The following WWOX variants were observed in gnomAD, a reference collection of about 807,000 sequenced individuals.
WWOX encodes the protein WW domain containing oxidoreductase, also known as WW domain-containing oxidoreductase.
In WWOX, 69 loss-of-function variants were observed where a neutral mutation model predicts 46.2. The ratio of observed to expected loss-of-function variants is 1.49; its 90% CI spans 1.23 to 1.82. WWOX has a LOEUF of 1.82. WWOX is among the 40% of genes most tolerant of loss of function. The pLI, the probability that WWOX is intolerant of heterozygous loss-of-function variation, is 0.00. For synonymous variants in WWOX, 359 were observed against 202.6 expected (o/e 1.77, Z -6.56); for missense variants, 919 against 542.6 (o/e 1.69, Z -6.89).
chr16:78,204,301 A>G (rs2036323662), intron 5 of WWOX, among the ~76,000 whole-genome samples: 1 of 152,016 alleles, frequency 6.6e-6, no homozygotes, highest in Admixed American at 6.6e-5. Flanking sequence ...GTAGGTGCTT[A>G]TATTTGTGGG....
At chr16:79,059,403 T>C (rs2048320585) in intron 8 of WWOX, among the ~76,000 whole-genome samples, 1 of 152,230 alleles carries the variant, frequency 6.6e-6, no homozygotes, top group Non-Finnish European at 1.5e-5. Context: ...GATCTTGACA[T>C]TGAGATGTAG....
At position 78,392,096 on chromosome 16, in the gene WWOX, A is replaced by G. The variant is rs1468118580; in HGVS notation, c.605+5148A>G. ...GTCCATGACCTCTAGGCCACAAACC[A>G]ATAGCGGAGCCGTGGCCTGTTATAA... is the stretch of plus-strand genomic sequence containing the variant. On this transcript the variant is annotated intron_variant, in intron 6 of 8. Coordinates refer to ENST00000566780, the MANE Select transcript of WWOX (RefSeq NM_016373.4). Among the ~76,000 whole-genome samples the G allele has an allele frequency of 2.0e-5, 3 of 151,912 alleles. 1 individual carries two copies. Among genetic ancestry groups the G allele is most frequent in the Non-Finnish European group, 4.4e-5 (3 of 67,994 alleles).
intron 8 of WWOX, among the ~76,000 whole-genome samples, chr16:79,105,705 C>G (rs890386755): frequency 1.3e-5 from 2 of 150,264 alleles, no homozygotes; most frequent in African/African-American, 4.9e-5. Context: ...CTCTGTCACT[C>G]AGGCTGGAGT....
At chr16:78,499,182 T>A (rs2084992915) in intron 8 of WWOX, among the ~76,000 whole-genome samples, 1 of 151,322 alleles carries the variant, frequency 6.6e-6, no homozygotes, top group Non-Finnish European at 1.5e-5. Flanking sequence ...ATCTAACACT[T>A]GAAGGTGTCC....
At chr16:79,012,941 C>T (rs1337066171) in intron 8 of WWOX, among the ~76,000 whole-genome samples, 2 of 152,190 alleles carry the variant, frequency 1.3e-5, no homozygotes, top group East Asian at 1.9e-4. Context: ...CCTGTATTCC[C>T]AGCCCTTTGG....
intron 8 of WWOX, among the ~76,000 whole-genome samples, chr16:79,049,723 C>T (rs953461832): frequency 6.6e-6 from 1 of 151,814 alleles, no homozygotes; most frequent in Admixed American, 6.6e-5. Context: ...GTAATCCCAG[C>T]CACTTGGGAG....
At chr16:79,140,895 G>T (rs566973687) in intron 8 of WWOX, among the ~76,000 whole-genome samples, 32 of 152,304 alleles carry the variant, frequency 2.1e-4, no homozygotes, top group Admixed American at 9.1e-4. Flanking sequence ...GCATGTCTCT[G>T]TTGGGAAGGA....
intron 8 of WWOX, among the ~76,000 whole-genome samples, chr16:78,591,495 C>T (rs1267117787): frequency 6.6e-6 from 1 of 152,188 alleles, no homozygotes; most frequent in Non-Finnish European, 1.5e-5. Flanking sequence ...TTACATGGAG[C>T]CTCACTTTAT....
At chr16:78,378,762 C>T (rs997651782) in intron 5 of WWOX, among the ~76,000 whole-genome samples, 4 of 152,142 alleles carry the variant, frequency 2.6e-5, no homozygotes, top group African/African-American at 9.7e-5. Context: ...TTGCAGGATG[C>T]CATTAGCAAT....
intron 8 of WWOX, among the ~76,000 whole-genome samples, chr16:78,803,488 C>T (rs529309202): frequency 6.6e-6 from 1 of 152,064 alleles, no homozygotes. Flanking sequence ...GCTGTGTTGC[C>T]CATGCTGGAG....
chr16:79,109,044 G>A (rs530419934), intron 8 of WWOX, among the ~76,000 whole-genome samples: 2 of 152,198 alleles, frequency 1.3e-5, no homozygotes, highest in South Asian at 2.1e-4. Flanking sequence ...TCACCTGTGT[G>A]AGTGTGTTGT....
chr16:78,381,135 T>C (rs918142411), intron 5 of WWOX, among the ~76,000 whole-genome samples: 18 of 152,166 alleles, frequency 1.2e-4, no homozygotes, highest in African/African-American at 4.3e-4. Flanking sequence ...TGACAATATC[T>C]CCCCATTTCT....
Position 78,613,206 on chromosome 16 carries a change from C to T in WWOX, c.1056+180454C>T, listed in dbSNP as rs111259713. 4.9e-3 allele frequency among the ~76,000 whole-genome samples: 748 copies of T among 152,266 alleles called. 9 individuals carry two copies. The highest frequency in any genetic ancestry group is 0.017 in the African/African-American group (709 of 41,558). On this transcript the variant is annotated intron_variant, in intron 8 of 8. Transcript: ENST00000566780. ...GTGCCCATCACCCCGATCACATGAA[C>T]GTCTATGCCCAGGTCCCATTTCCTG...
At chr16:78,523,621 C>G (rs918767871) in intron 8 of WWOX, among the ~76,000 whole-genome samples, 1 of 152,152 alleles carries the variant, frequency 6.6e-6, no homozygotes, top group Non-Finnish European at 1.5e-5. Flanking sequence ...TTTTCTCCAC[C>G]TTGGGTGAAA....
intron 8 of WWOX, among the ~76,000 whole-genome samples, chr16:78,722,730 TAAAC>T (rs1386406848): frequency 6.9e-5 from 6 of 86,876 alleles, no homozygotes; most frequent in Admixed American, 2.5e-4. Context: ...TTCCTCTAAA[TAAAC>T]AAAGGAATAG....
At chr16:78,765,215 G>C (rs531789556) in intron 8 of WWOX, among the ~76,000 whole-genome samples, 2 of 152,362 alleles carry the variant, frequency 1.3e-5, no homozygotes, top group East Asian at 3.9e-4. Flanking sequence ...CCCTGGCAGA[G>C]GATCCAGCAC....
chr16:78,363,938 A>G (rs1402822366), intron 5 of WWOX, among the ~76,000 whole-genome samples: 1 of 152,180 alleles, frequency 6.6e-6, no homozygotes, highest in African/African-American at 2.4e-5. Flanking sequence ...ATGCTTCCGG[A>G]AGAATGCCTG....
chr16:78,742,316 C>A (rs963658874), intron 8 of WWOX, among the ~76,000 whole-genome samples: 1 of 152,184 alleles, frequency 6.6e-6, no homozygotes, highest in African/African-American at 2.4e-5. Context: ...CCCATCAGGG[C>A]TTCAGGGTGT....
chr16:78,597,756 A>ATGTG (rs200277680), intron 8 of WWOX, among the ~76,000 whole-genome samples: 4 of 77,044 alleles, frequency 5.2e-5, no homozygotes, highest in African/African-American at 1.4e-4. Context: ...GTTTATTTAT[A>ATGTG]TGTGTATATA....
Sources: allele counts gnomAD v4.1 joint callset (sites outside exome capture counted in the v4.1 genomes callset), GRCh38; gene constraint gnomAD v4.1.1; transcripts MANE v1.5; gene names NCBI Gene and HGNC (gene_info 2026-07-23, HGNC 2026-07-21).